The following PPP5C variants were observed in gnomAD, a reference collection of about 807,000 sequenced individuals.
The protein encoded by PPP5C is protein phosphatase 5 catalytic subunit.
Under a neutral mutation model 66.7 loss-of-function variants are expected in PPP5C, and 21 were observed. That is an observed-to-expected ratio of 0.31 (90% CI 0.22 to 0.45). PPP5C has a LOEUF of 0.45. Among genes scored for constraint, PPP5C ranks in the 20% least tolerant of loss-of-function variants. The probability of loss-of-function intolerance (pLI) is 1.00; values close to 1 mark genes in which losing one functional copy is unlikely to be tolerated. For synonymous variants in PPP5C, 246 were observed against 257.4 expected, an observed-to-expected ratio of 0.96 and a Z score of 0.43; for missense variants, 464 against 675.9, an observed-to-expected ratio of 0.69 and a Z score of 3.48.
At chr19:46,385,737 G>T (rs1300776295) in intron 7 of PPP5C, among the ~76,000 whole-genome samples, 1 of 150,374 alleles carries the variant, frequency 6.7e-6, no homozygotes, top group Non-Finnish European at 1.5e-5. Flanking sequence ...CCGAGATTGC[G>T]CCACTGCACT....
intron 2 of PPP5C, among the ~76,000 whole-genome samples, chr19:46,369,266 C>T (rs773736934): frequency 3.3e-5 from 5 of 152,200 alleles, no homozygotes; most frequent in South Asian, 2.1e-4. Flanking sequence ...CTAGGCTACA[C>T]GCCTGTACAG....
At chr19:46,368,594 G>C (rs1234918423) in intron 2 of PPP5C, among the ~76,000 whole-genome samples, 1 of 152,056 alleles carries the variant, frequency 6.6e-6, no homozygotes, top group African/African-American at 2.4e-5. Context: ...GGTTTTAGTG[G>C]CATGGATGAA....
intron 11 of PPP5C, among the ~76,000 whole-genome samples, chr19:46,389,019 T>A (rs1972942961): frequency 6.6e-6 from 1 of 151,778 alleles, no homozygotes; most frequent in African/African-American, 2.4e-5. Flanking sequence ...AACCACAATA[T>A]CGTGTTTACA....
Position 46,376,237 on chromosome 19 carries a change from T to C in PPP5C, c.512-216T>C, listed in dbSNP as rs1449764592. On this transcript the variant is annotated intron_variant, in intron 3 of 12. Transcript: ENST00000012443. This position sits in a 1 kb window ranked among gnomAD's most constrained non-coding sequence, Gnocchi z 5.1. ...TGAATAGTGCTAAGTGCCATAAAAC[T>C]GAATAGAGTAAAGGGGGGTGGGTGA... Among the ~76,000 whole-genome samples, 2 of 151,950 alleles carry C rather than the reference T, an allele frequency of 1.3e-5. No individual in the cohort carries two copies. Among genetic ancestry groups the C allele is most frequent in the Non-Finnish European group, 2.9e-5 (2 of 67,994 alleles).
At chr19:46,351,788 G>A (rs1305609479) in intron 1 of PPP5C, among the ~76,000 whole-genome samples, 1 of 152,210 alleles carries the variant, frequency 6.6e-6, no homozygotes, top group African/African-American at 2.4e-5. Flanking sequence ...GCTCTGGAGG[G>A]ACACACTCAT....
rs1304434605 is a variant in PPP5C at position 46,383,417 on chromosome 19, G to A, written c.640G>A (p.Val214Ile). ...AGTCTGCCCTGCCTTCCAGATTCTGGTACAGGTCAAAGAGGTCCTCTCCAA... is the reference window on the plus strand; with the variant it reads ...AGTCTGCCCTGCCTTCCAGATTCTGATACAGGTCAAAGAGGTCCTCTCCAA... ...LHRKCAYQIL[V>I]QVKEVLSKLS... Residue 214 changes from valine (V) to isoleucine (I), a missense_variant, in exon 5 of 13, where the codon GTA (valine) becomes ATA (isoleucine). This residue lies in a region of PPP5C where 387 missense variants were observed against 626.0 expected (regional missense o/e 0.62). Transcript: ENST00000012443. This position sits in a 1 kb window ranked among gnomAD's most constrained non-coding sequence, Gnocchi z 5.0. The A allele has an allele frequency of 8.1e-6, 13 of 1,611,952 alleles. No individual in the cohort carries two copies. Among genetic ancestry groups the A allele is most frequent in the East Asian group, 2.2e-5 (1 of 44,758 alleles).
rs916385223 is a variant in PPP5C, at chr19:46,390,779, G to A, written c.*433G>A. 9.7e-6 allele frequency: 11 copies of A among 1,131,114 alleles called. No individual in the cohort carries two copies. Among genetic ancestry groups the A allele is most frequent in the Non-Finnish European group, 1.2e-5 (11 of 912,216 alleles). The allele number at this position is 1,131,114 out of a possible 1,614,324, so 70.1% of individuals were successfully genotyped here. On this transcript the variant is annotated 3_prime_UTR_variant, in exon 13 of 13. Transcript: ENST00000012443. ...TATAGCCCCATGGTGGGGCTAGGCT[G>A]GGGCTCACCCCCCTCCCCAGCTATT...
At position 46,390,722 on chromosome 19, in the gene PPP5C, C is replaced by G. The variant is rs995658606; in HGVS notation, c.*376C>G. The G allele has an allele frequency of 8.7e-7, 1 of 1,153,418 alleles. No individual in the cohort carries two copies. Among genetic ancestry groups the G allele is most frequent in the Admixed American group, 4.0e-5 (1 of 25,264 alleles). 71.4% of individuals were successfully genotyped at this position (1,153,418 alleles called of 1,614,324 possible). A position where few individuals can be genotyped will look rare whatever the true frequency, so the allele number is the denominator to read the frequency against. ...ATAGGAAGACCCCCAGAGAGAGGGT[C>G]AGCAGGGGGGCCCCGCCTGCGCCTC... On this transcript the variant is annotated 3_prime_UTR_variant, in exon 13 of 13. Transcript: ENST00000012443.
chr19:46,370,412 A>G (rs931084861), intron 2 of PPP5C, among the ~76,000 whole-genome samples: 1 of 152,182 alleles, frequency 6.6e-6, no homozygotes, highest in African/African-American at 2.4e-5. Context: ...TCCCACCTCC[A>G]CACCGTGTCC....
Position 46,390,244 on chromosome 19 carries a change from G to T in PPP5C, c.1438-40G>T, listed in dbSNP as rs1340869898. 7 of 1,598,034 alleles carry T rather than the reference G, an allele frequency of 4.4e-6. No individual in the cohort carries two copies. The African/African-American group carries it at 5.4e-5, about 12-fold the overall frequency. On this transcript the variant is annotated intron_variant, in intron 12 of 12. Coordinates refer to ENST00000012443, the MANE Select transcript of PPP5C (RefSeq NM_006247.4). ...CTGCCGGTGGGTGCTCAGGGGCTCTGTTCTGACTTCTGTCCATCCCACCTG... is the reference window on the plus strand; with the variant it reads ...CTGCCGGTGGGTGCTCAGGGGCTCTTTTCTGACTTCTGTCCATCCCACCTG...
At chr19:46,364,118 C>G (rs973102231) in intron 2 of PPP5C, among the ~76,000 whole-genome samples, 1 of 151,950 alleles carries the variant, frequency 6.6e-6, no homozygotes, top group Admixed American at 6.6e-5. Context: ...ATCATGTCAA[C>G]AAGAAGAAAG....
chr19:46,385,849 T>G (rs1601444915), intron 7 of PPP5C, among the ~76,000 whole-genome samples: 1 of 140,356 alleles, frequency 7.1e-6, no homozygotes, highest in Non-Finnish European at 1.5e-5. Context: ...GTGGCCAAAG[T>G]GGAAGGATTG....
Position 46,388,690 on chromosome 19 carries a change from C to T in PPP5C, c.1314C>T (p.His438=), listed in dbSNP as rs752596841. 1.3e-5 allele frequency: 21 copies of T among 1,614,062 alleles called. No individual in the cohort carries two copies. Among genetic ancestry groups the T allele is most frequent in the African/African-American group, 6.7e-5 (5 of 74,938 alleles). Reference sequence around the variant, plus strand: ...AGGCCGAGGGCTACGAGGTGGCTCACGGAGGCCGCTGTGTCACCGTCTTCT... The same window carrying T: ...AGGCCGAGGGCTACGAGGTGGCTCATGGAGGCCGCTGTGTCACCGTCTTCT... ...EVKAEGYEVA[H]GGRCVTVFSA... is the part of the protein sequence containing the mutation. The change falls in exon 11 of 13, where the codon CAC becomes CAT. Residue 438 remains histidine (H), a synonymous_variant. Coordinates refer to ENST00000012443, the MANE Select transcript of PPP5C (RefSeq NM_006247.4). This position sits in a 1 kb window ranked among gnomAD's most constrained non-coding sequence, Gnocchi z 4.9.
chr19:46,358,550 G>A (rs997500372), intron 2 of PPP5C, among the ~76,000 whole-genome samples: 7 of 152,004 alleles, frequency 4.6e-5, no homozygotes, highest in Admixed American at 2.0e-4. Flanking sequence ...ATGTTCCTCC[G>A]TTTCTTCATT....
At chr19:46,370,493 C>T (rs1568570578) in intron 2 of PPP5C, among the ~76,000 whole-genome samples, 1 of 152,092 alleles carries the variant, frequency 6.6e-6, no homozygotes, top group African/African-American at 2.4e-5. Flanking sequence ...TTCTGGATAC[C>T]CCTGAAGGAC....
At position 46,376,934 on chromosome 19, in the gene PPP5C, T is replaced by C. The variant is rs1205862737; in HGVS notation, c.633+360T>C. On this transcript the variant is annotated intron_variant, in intron 4 of 12. Transcript: ENST00000012443. The surrounding 1 kb of genome is among the most constrained non-coding windows in gnomAD (Gnocchi z 5.1). The stretch of plus-strand genomic sequence containing the variant: ...TTGTTGCAGGTTGTTTGGGACCTGC[T>C]GGTTGCTCCTAGTCCTGAGACCACC... 6.6e-6 allele frequency among the ~76,000 whole-genome samples: 1 copy of C among 152,136 alleles called. No homozygotes were observed. Among genetic ancestry groups the C allele is most frequent in the African/African-American group, 2.4e-5 (1 of 41,432 alleles).
intron 7 of PPP5C, 59 bp from the exon 8 acceptor site, chr19:46,387,034 C>T (rs1972901480): frequency 2.5e-6 from 4 of 1,612,344 alleles, no homozygotes; most frequent in South Asian, 1.1e-5. Flanking sequence ...GGGTGCCAGG[C>T]TGGAGGACAC....
At position 46,383,456 on chromosome 19, in the gene PPP5C, G is replaced by A. The variant is rs1212613290; in HGVS notation, c.679G>A (p.Val227Met). The A allele has an allele frequency of 8.1e-6, 13 of 1,609,340 alleles. No homozygotes were observed. The highest frequency in any genetic ancestry group is 1.3e-5 in the African/African-American group (1 of 74,808). Residue 227 changes from valine (V) to methionine (M), a missense_variant, in exon 5 of 13, where the codon GTG becomes ATG. Val to Met is a conservative substitution (Grantham distance 21). Around this residue, in one of 2 missense-constraint regions of PPP5C, gnomAD observed 387 missense variants for 626.0 expected, o/e 0.62. Coordinates refer to ENST00000012443, the MANE Select transcript of PPP5C (RefSeq NM_006247.4). This position sits in a 1 kb window ranked among gnomAD's most constrained non-coding sequence, Gnocchi z 5.0. ...KEVLSKLSTL[V>M]ETTLKETEKI... Reference sequence around the variant, plus strand: ...GGTCCTCTCCAAGCTGAGCACGCTCGTGGAAACCACACTCAAAGAGGTGCG... The same window carrying A: ...GGTCCTCTCCAAGCTGAGCACGCTCATGGAAACCACACTCAAAGAGGTGCG...
At chr19:46,374,926 G>C (rs756853623) in intron 2 of PPP5C, among the ~76,000 whole-genome samples, 1 of 152,184 alleles carries the variant, frequency 6.6e-6, no homozygotes, top group Non-Finnish European at 1.5e-5. Context: ...CCCGGTCTCA[G>C]GGATCTGTGA....
Sources: allele counts gnomAD v4.1 joint callset (sites outside exome capture counted in the v4.1 genomes callset), GRCh38; gene constraint gnomAD v4.1.1; regional missense constraint gnomAD v4.1.1; non-coding constraint Gnocchi (gnomAD v3.1); transcripts MANE v1.5; gene names NCBI Gene and HGNC (gene_info 2026-07-23, HGNC 2026-07-21).